GLUL: variants seen among roughly 807,000 people sequenced by gnomAD.
GLUL encodes glutamine synthetase.
Under a neutral mutation model 36.9 loss-of-function variants are expected in GLUL, and 8 were observed. That is an observed-to-expected ratio of 0.22 (90% CI 0.13 to 0.39). GLUL has a LOEUF of 0.39. Among genes scored for constraint, GLUL ranks in the 10% least tolerant of loss-of-function variants. The probability of loss-of-function intolerance (pLI) is 1.00; values close to 1 mark genes in which losing one functional copy is unlikely to be tolerated. For synonymous variants in GLUL, 182 were observed against 172.8 expected, an observed-to-expected ratio of 1.05 and a Z score of -0.42; for missense variants, 315 against 501.8, an observed-to-expected ratio of 0.63 and a Z score of 3.56.
rs952048494 is a variant in GLUL at position 182,379,629 on chromosome 1, G to C, written c.*4776C>G. Among the ~76,000 whole-genome samples, 3 of 151,732 alleles carry C rather than the reference G, an allele frequency of 2.0e-5. No homozygotes were observed. The highest frequency in any genetic ancestry group is 4.4e-5 in the Non-Finnish European group (3 of 67,962). On this transcript the variant is annotated 3_prime_UTR_variant, in exon 7 of 7. Coordinates refer to ENST00000331872, the MANE Select transcript of GLUL (RefSeq NM_001033044.4). Reference sequence around the variant, plus strand: ...AGTGGCACAACCATGGCTCACTGCAGCTTCAAGTAATCTTCCCACCTCAGC... The same window carrying C: ...AGTGGCACAACCATGGCTCACTGCACCTTCAAGTAATCTTCCCACCTCAGC...
In GLUL at chr1:182,385,906, A is replaced by C. The variant is rs1266924241; in HGVS notation, c.476-19T>G. The C allele has an allele frequency of 1.2e-6, 2 of 1,612,726 alleles. No homozygotes were observed. The highest frequency in any genetic ancestry group is 1.3e-5 in the African/African-American group (1 of 74,888). ...TATGGACCTACAGAAGCATCAGGACAAAACACTAAGAGTCAAGAAATCCAG... is the reference window on the plus strand; with the variant it reads ...TATGGACCTACAGAAGCATCAGGACCAAACACTAAGAGTCAAGAAATCCAG... On this transcript the variant is annotated intron_variant, in intron 4 of 6. Coordinates refer to ENST00000331872, the MANE Select transcript of GLUL (RefSeq NM_001033044.4).
rs759941862 is a variant in GLUL, at chr1:182,384,386, A to C, written c.*19T>G. 3 of 1,560,394 alleles carry C rather than the reference A, an allele frequency of 1.9e-6. No homozygotes were observed. The highest frequency in any genetic ancestry group is 2.6e-6 in the Non-Finnish European group (3 of 1,132,190). On this transcript the variant is annotated 3_prime_UTR_variant, in exon 7 of 7. Transcript: ENST00000331872. ...GATGAAGAACTAGGAGGGGCTCAACAGCTGGAGGTCTAGTCCACTTAATTT... is the reference window on the plus strand; with the variant it reads ...GATGAAGAACTAGGAGGGGCTCAACCGCTGGAGGTCTAGTCCACTTAATTT...
Position 182,386,423 on chromosome 1 carries a change from T to C in GLUL, c.329-21A>G, listed in dbSNP as rs372024860. ...GGTCTCTAGAAAAAAGAGTCAATAA[T>C]ACGCCATCAGGGATCTAAAGACATA... On this transcript the variant is annotated intron_variant, in intron 3 of 6. Coordinates refer to ENST00000331872, the MANE Select transcript of GLUL (RefSeq NM_001033044.4). 1.6e-5 allele frequency: 25 copies of C among 1,574,736 alleles called. No homozygotes were observed. In the Admixed American group the frequency reaches 2.8e-4, roughly 18 times the overall value.
In GLUL at chr1:182,388,906, T is replaced by A. The variant is rs1365144453; in HGVS notation, c.-13-156A>T. 7.4e-6 allele frequency: 5 copies of A among 678,228 alleles called. No individual in the cohort carries two copies. In the East Asian group the frequency reaches 1.1e-4, roughly 15 times the overall value. The allele number at this position is 678,228 out of a possible 1,614,324, so 42.0% of individuals were successfully genotyped here. The stretch of plus-strand genomic sequence containing the variant: ...CACACAAAAAGTTATGTTTACTCAC[T>A]CTTTCAGGGGGATTAGTTTTATAGT... On this transcript the variant is annotated intron_variant, in intron 1 of 6. Coordinates refer to ENST00000331872, the MANE Select transcript of GLUL (RefSeq NM_001033044.4).
chr1:182,388,839 A>C (rs1650287831), intron 1 of GLUL, 89 bp from the exon 2 acceptor site: 1 of 997,938 alleles, frequency 1.0e-6, no homozygotes, highest in South Asian at 1.3e-5. Context: ...CTGAATCAAA[A>C]GTCAGAGTGT....
At chr1:182,387,663 C>T (rs1211710930) in intron 2 of GLUL, among the ~76,000 whole-genome samples, 3 of 152,198 alleles carry the variant, frequency 2.0e-5, no homozygotes, top group Non-Finnish European at 4.4e-5. Flanking sequence ...TTGCATCCTT[C>T]TTATGCCCCC....
At position 182,384,429 on chromosome 1, in the gene GLUL, A is replaced by T. The variant is rs770785592; in HGVS notation, c.1098T>A (p.Asp366Glu). The change falls in exon 7 of 7, where the codon GAT (aspartate) becomes GAA (glutamate). Residue 366 changes from aspartate to glutamate, a missense_variant. Transcript: ENST00000331872. The part of the protein sequence containing the change: ...IRTCLLNETG[D>E]EPFQYKN ...CTTAATTTTTGTACTGGAAGGGCTC[A>T]TCGCCGGTTTCATTGAGAAGACACG... 2 of 1,613,138 alleles carry T rather than the reference A, an allele frequency of 1.2e-6. No individual in the cohort carries two copies. The highest frequency in any genetic ancestry group is 1.7e-6 in the Non-Finnish European group (2 of 1,179,114).
rs1649813914 is a variant in GLUL at position 182,378,574 on chromosome 1, G to T, written c.*5831C>A. Among the ~76,000 whole-genome samples, 1 of 152,066 alleles carries T rather than the reference G, an allele frequency of 6.6e-6. No individual in the cohort carries two copies. On this transcript the variant is annotated 3_prime_UTR_variant, in exon 7 of 7. Coordinates refer to ENST00000331872, the MANE Select transcript of GLUL (RefSeq NM_001033044.4). Reference sequence around the variant, plus strand: ...TCCTAGTGACAACTTTCTCATCTCGGCGAATTCTCTTGTGTACTGTTTCTG... The same window carrying T: ...TCCTAGTGACAACTTTCTCATCTCGTCGAATTCTCTTGTGTACTGTTTCTG...
chr1:182,388,839 A>G, intron 1 of GLUL, 89 bp from the exon 2 acceptor site: 1 of 998,056 alleles, frequency 1.0e-6, no homozygotes, highest in South Asian at 1.3e-5. Context: ...CTGAATCAAA[A>G]GTCAGAGTGT....
In GLUL at chr1:182,380,896, A is replaced by G. The variant is rs529796275; in HGVS notation, c.*3509T>C. On this transcript the variant is annotated 3_prime_UTR_variant, in exon 7 of 7. Transcript: ENST00000331872. Reference sequence around the variant, plus strand: ...GTGGTAAAAGGGCCAAGAATAGTTCAGGAACTTCTCATCCACTTGTCTACC... The same window carrying G: ...GTGGTAAAAGGGCCAAGAATAGTTCGGGAACTTCTCATCCACTTGTCTACC... 1.3e-5 allele frequency among the ~76,000 whole-genome samples: 2 copies of G among 152,360 alleles called. No individual in the cohort carries two copies. The highest frequency in any genetic ancestry group is 4.8e-5 in the African/African-American group (2 of 41,586).
In GLUL at chr1:182,383,960, A is replaced by G. The variant is rs1650048717; in HGVS notation, c.*445T>C. Reference sequence around the variant, plus strand: ...TCTCCTAATTCCCACTTTTAATAGAAAAGTTGGTTATAACTTTTTAAGAAA... The same window carrying G: ...TCTCCTAATTCCCACTTTTAATAGAGAAGTTGGTTATAACTTTTTAAGAAA... On this transcript the variant is annotated 3_prime_UTR_variant, in exon 7 of 7. Coordinates refer to ENST00000331872, the MANE Select transcript of GLUL (RefSeq NM_001033044.4). The G allele has an allele frequency of 5.0e-6, 1 of 199,114 alleles. No individual in the cohort carries two copies. Among genetic ancestry groups the G allele is most frequent in the African/African-American group, 2.3e-5 (1 of 42,846 alleles). 12.3% of individuals were successfully genotyped at this position (199,114 alleles called of 1,614,324 possible).
At chr1:182,388,493 A>G in intron 2 of GLUL, 79 bp downstream of exon 2, 1 of 1,255,658 alleles carries the variant, frequency 8.0e-7, no homozygotes, top group Non-Finnish European at 1.2e-6. Flanking sequence ...GGCCTAATCC[A>G]GAGGCTGAGT....
In GLUL at chr1:182,383,307, AATTT is replaced by A. The variant is rs988914355; in HGVS notation, c.*1094_*1097del. 2.0e-5 allele frequency: 3 copies of A among 152,198 alleles called. No homozygotes were observed. Among genetic ancestry groups the A allele is most frequent in the African/African-American group, 7.2e-5 (3 of 41,444 alleles). The allele number at this position is 152,198 out of a possible 1,614,324, so 9.4% of individuals were successfully genotyped here. On this transcript the variant is annotated 3_prime_UTR_variant, in exon 7 of 7. Coordinates refer to ENST00000331872, the MANE Select transcript of GLUL (RefSeq NM_001033044.4). ...ACTTCTATAATTTTGCTTTTTAAAA[AATTT>A]AATATCAAAAGGCCTGCTTTAGTGA...
chr1:182,391,059 C>A (rs555131892), intron 1 of GLUL: 1 of 397,708 alleles, frequency 2.5e-6, no homozygotes, highest in South Asian at 1.3e-4. Context: ...GCTGCTGCCT[C>A]CGCCCGGACC....
chr1:182,385,567 G>A lies in GLUL; in HGVS notation c.604-11C>T, dbSNP rs763049800. ...AATCTGAAATTCCCACTAGAAACGA[G>A]AAGCTTGGCCATTAAAACAAAGCTA... On this transcript the variant is annotated splice_polypyrimidine_tract_variant and intron_variant, in intron 5 of 6. Transcript: ENST00000331872. The A allele has an allele frequency of 2.5e-6, 4 of 1,613,004 alleles. No individual in the cohort carries two copies. Among genetic ancestry groups the A allele is most frequent in the East Asian group, 2.2e-5 (1 of 44,880 alleles).
At chr1:182,386,651 G>C (rs1650196107) in intron 3 of GLUL, 2 of 558,748 alleles carry the variant, frequency 3.6e-6, no homozygotes, top group Middle Eastern at 4.4e-4. Context: ...AAGTCACATG[G>C]GAGTGGATTT....
At chr1:182,390,716 C>G (rs1650375469) in intron 1 of GLUL, 2 of 399,092 alleles carry the variant, frequency 5.0e-6, no homozygotes, top group Non-Finnish European at 8.8e-6. Context: ...GACTCGAGAT[C>G]TCTCCCCGGA....
chr1:182,385,782 T>G lies in GLUL; in HGVS notation c.581A>C (p.Asn194Thr). 1 of 1,614,182 alleles carries G rather than the reference T, an allele frequency of 6.2e-7. No individual in the cohort carries two copies. The highest frequency in any genetic ancestry group is 2.2e-5 in the East Asian group (1 of 44,878). Reference protein sequence around the residue: ...LYAGVKIAGTNAEVMPAQWEF... With the variant: ...LYAGVKIAGTTAEVMPAQWEF... ...TACCTGGGCAGGCATGACCTCGGCA[T>G]TAGTCCCCGCAATCTTGACTCCAGC... Residue 194 changes from asparagine to threonine, a missense_variant, in exon 5 of 7, where the codon AAT (asparagine) becomes ACT (threonine). Asn to Thr is a moderately conservative substitution (Grantham distance 65). This residue lies in a region of GLUL where 256 missense variants were observed against 396.1 expected (regional missense o/e 0.65). Transcript: ENST00000331872.
At position 182,380,599 on chromosome 1, in the gene GLUL, A is replaced by G. The variant is rs180747651; in HGVS notation, c.*3806T>C. ...GCGTAAGCCACTTCACCTGGCCTTG[A>G]TTCTTTTTAAGCTCAATAAAAATGG... On this transcript the variant is annotated 3_prime_UTR_variant, in exon 7 of 7. Transcript: ENST00000331872. Among the ~76,000 whole-genome samples, 333 of 152,346 alleles carry G rather than the reference A, an allele frequency of 2.2e-3. 3 individuals carry two copies. Among genetic ancestry groups the G allele is most frequent in the East Asian group, 0.013 (65 of 5,182 alleles).
Sources: gnomAD v4.1 joint callset for allele counts (sites outside exome capture counted in the v4.1 genomes callset) on GRCh38, gnomAD v4.1.1 for gene constraint, gnomAD v4.1.1 regional missense constraint, MANE v1.5 for transcripts, NCBI Gene and HGNC (gene_info 2026-07-23, HGNC 2026-07-21) for gene names.